Variants in CTNNA2 observed in about 807,000 individuals in gnomAD.
CTNNA2 encodes catenin alpha 2.
A neutral mutation model predicts 101.0 loss-of-function variants in CTNNA2; 42 were observed. The ratio of observed to expected loss-of-function variants is 0.42; its 90% CI spans 0.32 to 0.54. CTNNA2 has a LOEUF of 0.54. Among genes scored for constraint, CTNNA2 ranks in the 20% least tolerant of loss-of-function variants. The probability of loss-of-function intolerance (pLI) is 0.14; values close to 1 mark genes in which losing one functional copy is unlikely to be tolerated. For missense variants in CTNNA2, 871 were observed against 1,223.1 expected, an observed-to-expected ratio of 0.71 and a Z score of 4.29; for synonymous variants, 450 against 456.4, an observed-to-expected ratio of 0.99 and a Z score of 0.18.
At chr2:79,477,725 G>A (rs1396165739) in intron 4 of CTNNA2, among the ~76,000 whole-genome samples, 2 of 152,100 alleles carry the variant, frequency 1.3e-5, no homozygotes, top group East Asian at 3.9e-4. Flanking sequence ...AAAAGCCCAG[G>A]GCTTCTAGCC....
intron 2 of CTNNA2, among the ~76,000 whole-genome samples, chr2:79,705,415 T>G (rs1325845724): frequency 6.6e-6 from 1 of 152,200 alleles, no homozygotes; most frequent in Non-Finnish European, 1.5e-5. Flanking sequence ...TGTGCATAAT[T>G]TAGAAATTAA....
chr2:79,830,530 C>T (rs1039605304), intron 3 of CTNNA2, among the ~76,000 whole-genome samples: 3 of 152,164 alleles, frequency 2.0e-5, no homozygotes, highest in African/African-American at 7.2e-5. Context: ...TGGTCTACTT[C>T]ACAGTGTTGC....
intron 7 of CTNNA2, among the ~76,000 whole-genome samples, chr2:80,148,118 T>G (rs1329172638): frequency 6.6e-6 from 1 of 152,234 alleles, no homozygotes. Flanking sequence ...TTCTCCACTC[T>G]TTCCTCCATT....
At chr2:79,878,349 G>A (rs946150351) in intron 6 of CTNNA2, among the ~76,000 whole-genome samples, 1 of 152,120 alleles carries the variant, frequency 6.6e-6, no homozygotes, top group African/African-American at 2.4e-5. Flanking sequence ...GGATTGCTGG[G>A]TCTAATGGTA....
chr2:79,539,355 G>A (rs1481125292), intron 1 of CTNNA2, among the ~76,000 whole-genome samples: 2 of 152,154 alleles, frequency 1.3e-5, no homozygotes, highest in East Asian at 3.8e-4. Flanking sequence ...CCTCGAGAAG[G>A]CCATTGGAAA....
At position 80,460,415 on chromosome 2, in the gene CTNNA2, GAA is replaced by G. The variant is rs1021659443; in HGVS notation, c.1290+40816_1290+40817del. ...TAACACAAAGAATCCTGAAGAAAAA[GAA>G]ACTGTAACACTCAAAGAAAAGTAAG... On this transcript the variant is annotated intron_variant, in intron 9 of 18. Coordinates refer to ENST00000402739, the MANE Select transcript of CTNNA2 (RefSeq NM_001282597.3). Among the ~76,000 whole-genome samples, 11 of 152,058 alleles carry G rather than the reference GAA, an allele frequency of 7.2e-5. 1 individual carries two copies. The highest frequency in any genetic ancestry group is 6.6e-4 in the Admixed American group (10 of 15,266).
chr2:79,351,672 G>T (rs1231363168), intron 3 of CTNNA2, among the ~76,000 whole-genome samples: 1 of 151,982 alleles, frequency 6.6e-6, no homozygotes, highest in Non-Finnish European at 1.5e-5. Flanking sequence ...TCCTATTCTT[G>T]AGAACAGGTG....
intron 11 of CTNNA2, among the ~76,000 whole-genome samples, chr2:80,547,298 A>G (rs558304004): frequency 1.3e-5 from 2 of 151,968 alleles, no homozygotes; most frequent in East Asian, 3.9e-4. Context: ...AATTTACCTT[A>G]CTCTCTGCTG....
At chr2:80,594,488 GACAC>G (rs1205551830) in intron 15 of CTNNA2, among the ~76,000 whole-genome samples, 1 of 151,542 alleles carries the variant, frequency 6.6e-6, no homozygotes, top group Non-Finnish European at 1.5e-5. Flanking sequence ...AGTGTTCTTT[GACAC>G]ACACAAGTTT....
At chr2:79,261,043 A>G (rs1018007505) in intron 2 of CTNNA2, among the ~76,000 whole-genome samples, 10 of 152,222 alleles carry the variant, frequency 6.6e-5, no homozygotes, top group Non-Finnish European at 1.0e-4. Flanking sequence ...GAGAAAAGTG[A>G]GCAGTCAGCT....
intron 2 of CTNNA2, among the ~76,000 whole-genome samples, chr2:79,708,259 C>T (rs563969888): frequency 1.8e-4 from 28 of 152,278 alleles, no homozygotes; most frequent in African/African-American, 6.5e-4. Flanking sequence ...ATAAATATTC[C>T]TATGTTGGCT....
intron 7 of CTNNA2, among the ~76,000 whole-genome samples, chr2:80,007,398 A>G (rs1168325063): frequency 6.6e-6 from 1 of 152,170 alleles, no homozygotes; most frequent in African/African-American, 2.4e-5. Flanking sequence ...CATGAGAAGA[A>G]ACAGGATATG....
At chr2:79,904,234 C>T (rs1383992151) in intron 6 of CTNNA2, among the ~76,000 whole-genome samples, 13 of 152,088 alleles carry the variant, frequency 8.5e-5, no homozygotes, top group Non-Finnish European at 1.6e-4. Flanking sequence ...TTCTCCATTA[C>T]AATTGGTTGT....
chr2:79,561,526 T>C (rs1053010769), intron 1 of CTNNA2, among the ~76,000 whole-genome samples: 6 of 152,002 alleles, frequency 3.9e-5, no homozygotes, highest in African/African-American at 1.4e-4. Flanking sequence ...TTTCTAATAC[T>C]ACTGCACCAT....
At chr2:80,412,846 T>G (rs1679708955) in intron 8 of CTNNA2, among the ~76,000 whole-genome samples, 1 of 152,110 alleles carries the variant, frequency 6.6e-6, no homozygotes, top group African/African-American at 2.4e-5. Flanking sequence ...CCTGGGCACA[T>G]GCTTCTCATG....
intron 2 of CTNNA2, among the ~76,000 whole-genome samples, chr2:79,673,834 T>C (rs1331845213): frequency 1.3e-5 from 2 of 152,218 alleles, no homozygotes; most frequent in Non-Finnish European, 2.9e-5. Flanking sequence ...CTGTCTCTGC[T>C]CCGTGTTTTA....
chr2:80,619,349 A>G (rs1241423439), intron 18 of CTNNA2, 121 bp downstream of exon 18: 18 of 1,129,770 alleles, frequency 1.6e-5, no homozygotes, highest in East Asian at 2.9e-5. Context: ...ATATTAACCA[A>G]CTTTGGGCAA....
chr2:79,820,363 A>G (rs1677904922), intron 3 of CTNNA2, among the ~76,000 whole-genome samples: 1 of 152,174 alleles, frequency 6.6e-6, no homozygotes, highest in Non-Finnish European at 1.5e-5. Context: ...CTCTAGTAGC[A>G]CTCAAAGCAA....
chr2:80,090,715 C>T (rs570659776), intron 7 of CTNNA2, among the ~76,000 whole-genome samples: 2 of 152,024 alleles, frequency 1.3e-5, no homozygotes, highest in Non-Finnish European at 2.9e-5. Context: ...ATGGAATTGA[C>T]AACACCATGA....
Sources: gnomAD v4.1 joint callset for allele counts (sites outside exome capture counted in the v4.1 genomes callset) on GRCh38, gnomAD v4.1.1 for gene constraint, MANE v1.5 for transcripts, NCBI Gene and HGNC (gene_info 2026-07-23, HGNC 2026-07-21) for gene names.